The following LRRCC1 variants were observed in gnomAD, a reference collection of about 807,000 sequenced individuals.
LRRCC1 encodes leucine rich repeat and coiled-coil centrosomal protein 1.
LRRCC1 carries 115 observed loss-of-function variants against 126.0 expected under a neutral mutation model. The ratio of observed to expected loss-of-function variants is 0.91; its 90% CI spans 0.78 to 1.07. The LOEUF is 1.07. LRRCC1 is among the 50% of genes least tolerant of loss of function. The probability of loss-of-function intolerance (pLI) is 0.00; values close to 1 mark genes in which losing one functional copy is unlikely to be tolerated. For synonymous variants in LRRCC1, 400 were observed against 393.4 expected (o/e 1.02, Z -0.20); for missense variants, 1,172 against 1,175.7 (o/e 1.00, Z 0.05).
rs3736038 is a variant in LRRCC1, at chr8:85,115,183, A to G, written c.628A>G (p.Thr210Ala). 124,824 of 1,612,322 alleles carry G rather than the reference A, an allele frequency of 0.077. 12,128 individuals carry two copies. The highest frequency in any genetic ancestry group is 0.5 in the African/African-American group (37,086 of 74,728). ...CATATTTGGTGAACCAGTAAATTTG[A>G]CAGAAATAAATTCATCACAGCTGCA... ...KNIFGEPVNL[T>A]EINSSQLQCL... The change falls in exon 5 of 19, where the codon ACA becomes GCA. Residue 210 changes from threonine (T) to alanine (A), a missense_variant. Transcript: ENST00000360375.
Position 85,123,433 on chromosome 8 carries a change from C to T in LRRCC1, c.951C>T (p.Asn317=), listed in dbSNP as rs185579953. Reference sequence around the variant, plus strand: ...TTTAGACTTCTAATTCAATAGATAACGTTCTTGAGAAAGACCCCAGACCAA... The same window carrying T: ...TTTAGACTTCTAATTCAATAGATAATGTTCTTGAGAAAGACCCCAGACCAA... ...LLNETSNSID[N]VLEKDPRPKR... The change falls in exon 7 of 19, where the codon AAC becomes AAT. Residue 317 remains asparagine, a synonymous_variant. Coordinates refer to ENST00000360375, the MANE Select transcript of LRRCC1 (RefSeq NM_033402.5). 513 of 1,595,986 alleles carry T rather than the reference C, an allele frequency of 3.2e-4. 4 individuals are homozygous for T. In the East Asian group the frequency reaches 8.6e-3, roughly 27 times the overall value.
chr8:85,138,391 C>T lies in LRRCC1; in HGVS notation c.2756C>T (p.Thr919Ile), dbSNP rs1477285969. ...GGAGAACTTCTATGTCATCTTGAAA[C>T]ACAAGTAAAAGAAGTGAAAGAAAAA... ...DKGELLCHLE[T>I]QVKEVKEKFE... Residue 919 changes from threonine to isoleucine, a missense_variant, in exon 17 of 19, where the codon ACA becomes ATA. Physicochemically the swap from Thr to Ile is moderately conservative, Grantham distance 89. Transcript: ENST00000360375. 9 of 1,611,928 alleles carry T rather than the reference C, an allele frequency of 5.6e-6. No individual in the cohort carries two copies. The highest frequency in any genetic ancestry group is 4.0e-5 in the African/African-American group (3 of 74,822).
At chr8:85,119,889 C>T (rs1809408080) in intron 6 of LRRCC1, among the ~76,000 whole-genome samples, 1 of 152,210 alleles carries the variant, frequency 6.6e-6, no homozygotes, top group Admixed American at 6.5e-5. Flanking sequence ...CTGAGCACTG[C>T]TTTAGCTACA....
At chr8:85,130,394 G>A (rs1347120831) in intron 11 of LRRCC1, among the ~76,000 whole-genome samples, 1 of 151,204 alleles carries the variant, frequency 6.6e-6, no homozygotes, top group African/African-American at 2.4e-5. Flanking sequence ...TGCCCCACTC[G>A]GCCTCCCAAA....
intron 12 of LRRCC1, among the ~76,000 whole-genome samples, chr8:85,134,069 C>T (rs546751362): frequency 1.6e-4 from 24 of 152,296 alleles, no homozygotes; most frequent in Admixed American, 1.0e-3. Context: ...TCCTTTCCCA[C>T]ACATTTGCAT....
Position 85,131,944 on chromosome 8 carries a change from G to A in LRRCC1, c.1951G>A (p.Ala651Thr), listed in dbSNP as rs1451844750. 6.2e-7 allele frequency: 1 copy of A among 1,610,496 alleles called. No individual in the cohort carries two copies. Among genetic ancestry groups the A allele is most frequent in the Non-Finnish European group, 8.5e-7 (1 of 1,179,090 alleles). Reference protein sequence around the residue: ...NEFRIALTVEARRFQDVKDGF... With the variant: ...NEFRIALTVETRRFQDVKDGF... ...ATTCCGTATTGCTTTAACTGTTGAA[G>A]CCAGAAGATTTCAAGATGTAAGAAT... The change falls in exon 12 of 19, where the codon GCC (alanine) becomes ACC (threonine). Residue 651 changes from alanine to threonine, a missense_variant. Transcript: ENST00000360375.
chr8:85,107,283 C>G lies in LRRCC1; in HGVS notation c.-13C>G. On this transcript the variant is annotated 5_prime_UTR_variant, in exon 1 of 19. Coordinates refer to ENST00000360375, the MANE Select transcript of LRRCC1 (RefSeq NM_033402.5). The stretch of plus-strand genomic sequence containing the variant: ...GGGTGCCGGTTAAGACCCCGCTCCC[C>G]GTCGCCAGTGCTATGGAGGCGGCGG... 1 of 1,605,426 alleles carries G rather than the reference C, an allele frequency of 6.2e-7. No homozygotes were observed. Among genetic ancestry groups the G allele is most frequent in the Non-Finnish European group, 8.5e-7 (1 of 1,175,608 alleles).
At chr8:85,142,816 A>G (rs1239497490) in intron 18 of LRRCC1, among the ~76,000 whole-genome samples, 2 of 143,498 alleles carry the variant, frequency 1.4e-5, no homozygotes, top group East Asian at 4.0e-4. Flanking sequence ...TGGACTACGG[A>G]GCGAGACCCT....
chr8:85,144,801 T>C (rs1043849879), intron 18 of LRRCC1, among the ~76,000 whole-genome samples: 3 of 139,042 alleles, frequency 2.2e-5, no homozygotes, highest in African/African-American at 7.8e-5. Flanking sequence ...CCAGGCGTAG[T>C]GGCTCACACC....
intron 6 of LRRCC1, 92 bp from the exon 7 acceptor site, chr8:85,123,321 A>T: frequency 1.2e-6 from 1 of 844,996 alleles, no homozygotes; most frequent in Admixed American, 2.8e-5. Flanking sequence ...ACCCTTAATC[A>T]TATAAAAAGA....
intron 13 of LRRCC1, 91 bp from the exon 14 acceptor site, chr8:85,135,689 TATTTGCTTA>T: frequency 1.3e-6 from 1 of 753,026 alleles, no homozygotes; most frequent in Non-Finnish European, 1.9e-6. Flanking sequence ...TATTTACTTG[TATTTGCTTA>T]AATAACATTT....
intron 6 of LRRCC1, among the ~76,000 whole-genome samples, chr8:85,121,546 A>C (rs919942454): frequency 6.6e-6 from 1 of 152,100 alleles, no homozygotes; most frequent in Non-Finnish European, 1.5e-5. Context: ...GGTTCAAGCA[A>C]TTCTCCTGCC....
intron 1 of LRRCC1, chr8:85,107,806 G>T: frequency 6.4e-6 from 1 of 157,272 alleles, no homozygotes. Flanking sequence ...AAACCTGCAG[G>T]ATAGTATCTC....
chr8:85,137,462 A>C lies in LRRCC1; in HGVS notation c.2330-2A>C. ...ATGTAATTGATGATTTTTGTTTCTT[A>C]GGATCTTCTCTAGCCCAAAATCGTG... is the stretch of plus-strand genomic sequence containing the variant. On this transcript the variant is annotated splice_acceptor_variant, in intron 14 of 18. Coordinates refer to ENST00000360375, the MANE Select transcript of LRRCC1 (RefSeq NM_033402.5). LOFTEE classifies it high-confidence loss of function. 6.5e-7 allele frequency: 1 copy of C among 1,545,060 alleles called. No individual in the cohort carries two copies.
rs754358974 is a variant in LRRCC1 at position 85,137,642 on chromosome 8, T to C, written c.2493+15T>C. On this transcript the variant is annotated intron_variant, in intron 15 of 18. Transcript: ENST00000360375. Reference sequence around the variant, plus strand: ...AATTAAAAGATGTAAGTTTGACATTTTATTTTGGTTAAAGAGCAAATGGCA... The same window carrying C: ...AATTAAAAGATGTAAGTTTGACATTCTATTTTGGTTAAAGAGCAAATGGCA... 7.1e-7 allele frequency: 1 copy of C among 1,415,462 alleles called. No individual in the cohort carries two copies. The highest frequency in any genetic ancestry group is 1.5e-5 in the African/African-American group (1 of 67,668). The allele number at this position is 1,415,462 out of a possible 1,614,324, so 87.7% of individuals were successfully genotyped here.
chr8:85,118,743 G>A (rs1261491888), intron 6 of LRRCC1, among the ~76,000 whole-genome samples: 1 of 151,940 alleles, frequency 6.6e-6, no homozygotes, highest in Non-Finnish European at 1.5e-5. Context: ...GTAGGAATTT[G>A]TTGTATATGC....
At chr8:85,139,973 A>C (rs578109814) in intron 17 of LRRCC1, among the ~76,000 whole-genome samples, 1 of 152,338 alleles carries the variant, frequency 6.6e-6, no homozygotes, top group South Asian at 2.1e-4. Flanking sequence ...TCAACCAAGT[A>C]CTAATACAAG....
chr8:85,134,411 G>A (rs953591487), intron 12 of LRRCC1, among the ~76,000 whole-genome samples: 10 of 152,006 alleles, frequency 6.6e-5, no homozygotes, highest in Admixed American at 1.3e-4. Context: ...TCCTCCTCCC[G>A]GGTTCAAGTG....
At position 85,129,589 on chromosome 8, in the gene LRRCC1, T is replaced by C. The variant is rs897196496; in HGVS notation, c.1626+210T>C. Among the ~76,000 whole-genome samples, 3 of 152,218 alleles carry C rather than the reference T, an allele frequency of 2.0e-5. No individual in the cohort carries two copies. The East Asian group carries it at 5.8e-4, about 29-fold the overall frequency. On this transcript the variant is annotated intron_variant, in intron 10 of 18. Transcript: ENST00000360375. ...AACACAAAGCAATTAAAAAGAAAAG[T>C]TGATGGAAATGTTGCAGGTGGTTAG...
Sources: gnomAD v4.1 joint callset for allele counts (sites outside exome capture counted in the v4.1 genomes callset) on GRCh38, gnomAD v4.1.1 for gene constraint, MANE v1.5 for transcripts, NCBI Gene and HGNC (gene_info 2026-07-23, HGNC 2026-07-21) for gene names.